Variants in LRRC7 observed in about 807,000 individuals in gnomAD.
The protein encoded by LRRC7 is leucine-rich repeat-containing protein 7.
Under a neutral mutation model 175.7 loss-of-function variants are expected in LRRC7, and 23 were observed. The ratio of observed to expected loss-of-function variants is 0.13; its 90% CI spans 0.09 to 0.19. The LOEUF (loss-of-function observed/expected upper bound fraction) is 0.19. Ranked by LOEUF, LRRC7 falls within the 10% of genes least tolerant of loss-of-function variation. The pLI is 1.00. For missense variants in LRRC7, 1,354 were observed against 1,904.7 expected, an observed-to-expected ratio of 0.71 and a Z score of 5.38; for synonymous variants, 685 against 680.9, an observed-to-expected ratio of 1.01 and a Z score of -0.09.
At chr1:69,894,890 G>A (rs1162767022) in intron 7 of LRRC7, among the ~76,000 whole-genome samples, 3 of 152,144 alleles carry the variant, frequency 2.0e-5, no homozygotes, top group African/African-American at 7.2e-5. Context: ...GAGATCTTCT[G>A]TACAACAAAC....
intron 1 of LRRC7, among the ~76,000 whole-genome samples, chr1:69,653,591 T>C (rs1656182377): frequency 6.6e-6 from 1 of 152,144 alleles, no homozygotes; most frequent in South Asian, 2.1e-4. Context: ...TCTAACAGTA[T>C]GGAGGTTCCT....
At chr1:69,829,945 C>T (rs1376707682) in intron 5 of LRRC7, among the ~76,000 whole-genome samples, 1 of 151,504 alleles carries the variant, frequency 6.6e-6, no homozygotes, top group African/African-American at 2.4e-5. Flanking sequence ...ACAAAATGTA[C>T]CATAAAATTA....
chr1:69,940,302 G>A (rs1442877285), intron 8 of LRRC7, among the ~76,000 whole-genome samples: 5 of 152,046 alleles, frequency 3.3e-5, no homozygotes, highest in African/African-American at 1.2e-4. Flanking sequence ...CCCTTTGCTA[G>A]CAGTAAAATA....
At chr1:69,993,896 T>C (rs948628942) in intron 10 of LRRC7, among the ~76,000 whole-genome samples, 1 of 152,182 alleles carries the variant, frequency 6.6e-6, no homozygotes, top group Non-Finnish European at 1.5e-5. Context: ...GTGTGACTAT[T>C]GCTCATTAAA....
At chr1:69,635,629 GACC>G (rs1385188264) in intron 1 of LRRC7, among the ~76,000 whole-genome samples, 2 of 151,844 alleles carry the variant, frequency 1.3e-5, no homozygotes, top group African/African-American at 2.4e-5. Context: ...TTATTTTACA[GACC>G]ACATTTTCAA....
At chr1:69,600,800 C>CTTTT (rs59212223) in intron 1 of LRRC7, among the ~76,000 whole-genome samples, 2,860 of 64,802 alleles carry the variant, frequency 0.044, 939 homozygotes, top group Admixed American at 0.074. Context: ...TCTCTGGTTT[C>CTTTT]TTTTTTTTTT....
chr1:69,761,039 C>A (rs1171244329), intron 3 of LRRC7, among the ~76,000 whole-genome samples: 1 of 151,816 alleles, frequency 6.6e-6, no homozygotes, highest in Non-Finnish European at 1.5e-5. Flanking sequence ...GCAAAGAAAA[C>A]CAGGTCTCCT....
At position 69,722,539 on chromosome 1, in the gene LRRC7, A is replaced by G. The variant is rs530580303; in HGVS notation, c.101-37652A>G. Among the ~76,000 whole-genome samples the G allele has an allele frequency of 5.3e-5, 8 of 152,188 alleles. No homozygotes were observed. The South Asian group carries it at 1.7e-3, about 31-fold the overall frequency. Reference sequence around the variant, plus strand: ...GAATAAGACTTTCTAAATTTAATAGATGGATAATTCACTCAAAAGCTGTGA... The same window carrying G: ...GAATAAGACTTTCTAAATTTAATAGGTGGATAATTCACTCAAAAGCTGTGA... On this transcript the variant is annotated intron_variant, in intron 2 of 26. Coordinates refer to ENST00000651989, the MANE Select transcript of LRRC7 (RefSeq NM_001370785.2).
chr1:69,905,166 T>C (rs533323673), intron 7 of LRRC7, among the ~76,000 whole-genome samples: 9 of 152,238 alleles, frequency 5.9e-5, no homozygotes, highest in African/African-American at 1.9e-4. Context: ...TGCATATGCC[T>C]TTATGCTAGA....
chr1:69,923,518 T>G (rs531523795), intron 7 of LRRC7, among the ~76,000 whole-genome samples: 10 of 152,306 alleles, frequency 6.6e-5, no homozygotes, highest in African/African-American at 2.2e-4. Flanking sequence ...TTCTAACTGG[T>G]GTGAGATGGT....
intron 4 of LRRC7, among the ~76,000 whole-genome samples, chr1:69,808,223 T>G (rs1677369173): frequency 6.6e-6 from 1 of 151,882 alleles, no homozygotes; most frequent in Non-Finnish European, 1.5e-5. Context: ...GGTTCTTAGC[T>G]TCCTTGCATT....
chr1:69,642,895 GC>G (rs1654450061), intron 1 of LRRC7, among the ~76,000 whole-genome samples: 1 of 152,114 alleles, frequency 6.6e-6, no homozygotes, highest in Middle Eastern at 3.4e-3. Context: ...GTGGAAAATG[GC>G]TAATGTAATT....
chr1:69,794,587 T>C (rs1675502046), intron 4 of LRRC7, among the ~76,000 whole-genome samples: 1 of 152,238 alleles, frequency 6.6e-6, no homozygotes, highest in Non-Finnish European at 1.5e-5. Flanking sequence ...ATTGTATTTT[T>C]GTTATAATTT....
At chr1:69,912,813 T>C (rs886785629) in intron 7 of LRRC7, among the ~76,000 whole-genome samples, 5 of 152,328 alleles carry the variant, frequency 3.3e-5, no homozygotes, top group East Asian at 1.9e-4. Flanking sequence ...AAAGCAGTAG[T>C]GCAGTATTTG....
At chr1:70,120,942 T>G (rs1666173239) in intron 26 of LRRC7, among the ~76,000 whole-genome samples, 1 of 152,032 alleles carries the variant, frequency 6.6e-6, no homozygotes, top group Non-Finnish European at 1.5e-5. Context: ...ATAATAAAAA[T>G]CATTCCAATC....
chr1:69,907,902 TG>T (rs1646376469), intron 7 of LRRC7, among the ~76,000 whole-genome samples: 1 of 152,110 alleles, frequency 6.6e-6, no homozygotes, highest in African/African-American at 2.4e-5. Context: ...GGACTCTTTT[TG>T]GTTGGTAAGC....
In LRRC7 at chr1:70,053,018, TGCAATAGACC is replaced by T; in HGVS notation, c.4111-7_4113del. 1 of 1,590,358 alleles carries T rather than the reference TGCAATAGACC, an allele frequency of 6.3e-7. No individual in the cohort carries two copies. The highest frequency in any genetic ancestry group is 1.8e-5 in the Admixed American group (1 of 56,732). ...TCACTAAAGAATGCCATACCATTTT[TGCAATAGACC>T]CCGTCCCAGCAAAGCAACATTTTAG... On this transcript the variant is annotated splice_acceptor_variant and splice_polypyrimidine_tract_variant and coding_sequence_variant and intron_variant, in exon 23 of 27. Transcript: ENST00000651989. LOFTEE classifies it high-confidence loss of function.
intron 8 of LRRC7, among the ~76,000 whole-genome samples, chr1:69,973,415 T>C (rs1410110945): frequency 6.6e-6 from 1 of 152,032 alleles, no homozygotes; most frequent in East Asian, 1.9e-4. Context: ...AAACTACCTG[T>C]TCCCCAATAA....
In LRRC7 at chr1:69,895,706, T is replaced by C. The variant is rs139900132; in HGVS notation, c.648-35801T>C. Among the ~76,000 whole-genome samples the C allele has an allele frequency of 7.2e-5, 11 of 152,350 alleles. No homozygotes were observed. In the East Asian group the frequency reaches 1.9e-3, roughly 27 times the overall value. The stretch of plus-strand genomic sequence containing the variant: ...AACTATACAGTATATTCTCTTTTTC[T>C]GCCTGGATTCTTTCACTGAGCATAA... On this transcript the variant is annotated intron_variant, in intron 7 of 26. Coordinates refer to ENST00000651989, the MANE Select transcript of LRRC7 (RefSeq NM_001370785.2).
Sources: gnomAD v4.1 joint callset for allele counts (sites outside exome capture counted in the v4.1 genomes callset) on GRCh38, gnomAD v4.1.1 for gene constraint, MANE v1.5 for transcripts, NCBI Gene and HGNC (gene_info 2026-07-23, HGNC 2026-07-21) for gene names.